Variants in ZFP62 observed in about 807,000 individuals in gnomAD.
ZFP62 encodes the protein zinc finger protein 62 homolog.
ZFP62 carries 44 observed loss-of-function variants against 56.4 expected under a neutral mutation model. That is an observed-to-expected ratio of 0.78 (90% confidence interval 0.61 to 1.00). ZFP62 has a LOEUF of 1.00. ZFP62 is among the 50% of genes least tolerant of loss of function. ZFP62 has a pLI of 0.00. For synonymous variants in ZFP62, 421 were observed against 388.9 expected (o/e 1.08, Z -0.97); for missense variants, 1,030 against 1,085.7 (o/e 0.95, Z 0.72).
At chr5:180,839,446 C>T in the ZFP62 span, among the ~76,000 whole-genome samples, 1 of 152,192 alleles carries the variant, frequency 6.6e-6, no homozygotes, top group Non-Finnish European at 1.5e-5. Context: ...AAAAGGAGAT[C>T]ACATCCTTTG....
downstream of ZFP62, among the ~76,000 whole-genome samples, chr5:180,844,572 G>GT (rs1773373502): frequency 6.6e-6 from 1 of 152,218 alleles, no homozygotes; most frequent in Non-Finnish European, 1.5e-5. Context: ...TGTGTACCAT[G>GT]TGAGTGAGCA....
the ZFP62 span, among the ~76,000 whole-genome samples, chr5:180,829,711 G>C: frequency 6.6e-6 from 1 of 152,200 alleles, no homozygotes. Context: ...GGTTTGCCAA[G>C]GTGGAAAGAG....
the ZFP62 span, chr5:180,831,300 TC>T: frequency 6.6e-6 from 1 of 152,282 alleles, no homozygotes; most frequent in Non-Finnish European, 1.5e-5. Flanking sequence ...CCCCGGCACG[TC>T]CCGCCCTCTC....
At chr5:180,839,910 C>T in the ZFP62 span, among the ~76,000 whole-genome samples, 1 of 152,194 alleles carries the variant, frequency 6.6e-6, no homozygotes, top group Admixed American at 6.5e-5. Context: ...CCCCACCCAC[C>T]ATTTTGCTTC....
chr5:180,844,102 C>A (rs1773364884), downstream of ZFP62, among the ~76,000 whole-genome samples: 1 of 152,202 alleles, frequency 6.6e-6, no homozygotes, highest in East Asian at 1.9e-4. Flanking sequence ...AAAGCAGCAA[C>A]CTTGACTTTG....
chr5:180,830,720 T>C, the ZFP62 span: 1 of 152,334 alleles, frequency 6.6e-6, no homozygotes, highest in Non-Finnish European at 1.5e-5. Context: ...TCCAGCTGTC[T>C]GAGATTAAGC....
downstream of ZFP62, among the ~76,000 whole-genome samples, chr5:180,847,011 A>G (rs1032652587): frequency 1.3e-5 from 2 of 152,212 alleles, no homozygotes; most frequent in Non-Finnish European, 2.9e-5. Context: ...CACCGCAGCC[A>G]TCAAAACTTA....
At chr5:180,839,836 C>A in the ZFP62 span, among the ~76,000 whole-genome samples, 6 of 152,302 alleles carry the variant, frequency 3.9e-5, no homozygotes, top group South Asian at 1.2e-3. Context: ...GCCTCCTACC[C>A]CCTTAAGAAC....
the ZFP62 span, among the ~76,000 whole-genome samples, chr5:180,837,210 G>T: frequency 6.6e-6 from 1 of 152,226 alleles, no homozygotes; most frequent in Non-Finnish European, 1.5e-5. Context: ...AGACCACCGT[G>T]TGGCCCATCT....
At chr5:180,839,773 TA>T in the ZFP62 span, among the ~76,000 whole-genome samples, 2 of 152,082 alleles carry the variant, frequency 1.3e-5, no homozygotes, top group African/African-American at 2.4e-5. Context: ...TTACAATAAA[TA>T]AAAAATAAAA....
chr5:180,836,700 A>C, the ZFP62 span, among the ~76,000 whole-genome samples: 1 of 152,194 alleles, frequency 6.6e-6, no homozygotes, highest in African/African-American at 2.4e-5. Flanking sequence ...TGTCGTGAAA[A>C]TGTAAACTGA....
downstream of ZFP62, among the ~76,000 whole-genome samples, chr5:180,846,046 C>T (rs1395270590): frequency 6.6e-6 from 1 of 152,130 alleles, no homozygotes; most frequent in Non-Finnish European, 1.5e-5. Context: ...GCATATCGTT[C>T]TCTGGAAGGA....
At chr5:180,858,490 C>G (rs753877778) in intron 1 of ZFP62, among the ~76,000 whole-genome samples, 18 of 151,976 alleles carry the variant, frequency 1.2e-4, no homozygotes, top group Non-Finnish European at 2.1e-4. Flanking sequence ...GTAGTTCCAG[C>G]TACTCGACTT....
At position 180,850,628 on chromosome 5, in the gene ZFP62, G is replaced by C; in HGVS notation, c.867C>G (p.Thr289=). The part of the protein sequence containing the change: ...KPYECDICGK[T]FSNSSGLRVH... ...CCCTAAGGCCAGAGCTGTTACTGAA[G>C]GTTTTCCCACAGATGTCGCATTCAT... Residue 289 remains threonine (T), a synonymous_variant, in exon 2 of 2, where the codon ACC becomes ACG. Coordinates refer to ENST00000502412, the MANE Select transcript of ZFP62 (RefSeq NM_001172638.2). 1 of 1,574,276 alleles carries C rather than the reference G, an allele frequency of 6.4e-7. No homozygotes were observed.
chr5:180,850,055 A>T lies in ZFP62; in HGVS notation c.1440T>A (p.Asp480Glu). ...GTGAGATATAGGCTTTCCCACACAC[A>T]TCACACTTATATGGTTTTTCCCCAG... ...LHTGEKPYKC[D>E]VCGKAYISRS... The change falls in exon 2 of 2, where the codon GAT becomes GAA. Residue 480 changes from aspartate to glutamate, a missense_variant. Coordinates refer to ENST00000502412, the MANE Select transcript of ZFP62 (RefSeq NM_001172638.2). 1.3e-6 allele frequency: 2 copies of T among 1,551,808 alleles called. No individual in the cohort carries two copies. Among genetic ancestry groups the T allele is most frequent in the Non-Finnish European group, 1.7e-6 (2 of 1,147,088 alleles).
the ZFP62 span, chr5:180,831,425 T>TTTC: frequency 6.6e-6 from 1 of 152,130 alleles, no homozygotes; most frequent in African/African-American, 2.4e-5. Context: ...GTTTTTTTTT[T>TTTC]TTTGAGACGG....
chr5:180,850,946 G>A lies in ZFP62; in HGVS notation c.549C>T (p.Ser183=). 6.4e-7 allele frequency: 1 copy of A among 1,555,118 alleles called. No individual in the cohort carries two copies. The highest frequency in any genetic ancestry group is 8.7e-7 in the Non-Finnish European group (1 of 1,149,542). ...DCGGTFRSSS[S]LRVHKRIHTG... Reference sequence around the variant, plus strand: ...TGTGGATCCGTTTGTGGACCCGAAGGCTCGAGCTGCTCCGGAAAGTCCCTC... The same window carrying A: ...TGTGGATCCGTTTGTGGACCCGAAGACTCGAGCTGCTCCGGAAAGTCCCTC... The change falls in exon 2 of 2, where the codon AGC becomes AGT. Residue 183 remains serine, a synonymous_variant. Coordinates refer to ENST00000502412, the MANE Select transcript of ZFP62 (RefSeq NM_001172638.2).
At chr5:180,831,815 T>G in the ZFP62 span, 3 of 152,724 alleles carry the variant, frequency 2.0e-5, no homozygotes, top group Non-Finnish European at 4.4e-5. Context: ...AGGTCGGTCT[T>G]TCTCCACCAG....
chr5:180,839,383 C>T, the ZFP62 span, among the ~76,000 whole-genome samples: 1 of 152,152 alleles, frequency 6.6e-6, no homozygotes, highest in Non-Finnish European at 1.5e-5. Context: ...ATAACAGTCA[C>T]CTAATCCCTT....
Sources: gnomAD v4.1 joint callset for allele counts (sites outside exome capture counted in the v4.1 genomes callset) on GRCh38, gnomAD v4.1.1 for gene constraint, MANE v1.5 for transcripts, NCBI Gene and HGNC (gene_info 2026-07-23, HGNC 2026-07-21) for gene names.